Variants in CFAP73 observed in about 807,000 individuals in gnomAD.
CFAP73 encodes the protein cilia- and flagella-associated protein 73.
In CFAP73, 33 loss-of-function variants were observed where a neutral mutation model predicts 42.9. That is an observed-to-expected ratio of 0.77 (90% CI 0.58 to 1.03). The LOEUF is 1.03. CFAP73 is among the 50% of genes least tolerant of loss of function. The pLI is 0.00. For missense variants in CFAP73, 392 were observed against 411.9 expected (o/e 0.95, Z 0.42); for synonymous variants, 162 against 186.8 (o/e 0.87, Z 1.08).
chr12:113,154,360 A>C lies in CFAP73; in HGVS notation c.469-54A>C. 1.3e-6 allele frequency: 2 copies of C among 1,533,464 alleles called. No individual in the cohort carries two copies. Among genetic ancestry groups the C allele is most frequent in the Non-Finnish European group, 1.8e-6 (2 of 1,135,258 alleles). The allele number at this position is 1,533,464 out of a possible 1,614,324, so 95.0% of individuals were successfully genotyped here. On this transcript the variant is annotated intron_variant, in intron 4 of 7. Coordinates refer to ENST00000335621, the MANE Select transcript of CFAP73 (RefSeq NM_001144872.3). This position sits in a 1 kb window ranked among gnomAD's most constrained non-coding sequence, Gnocchi z 4.7. ...GAACGCTGGCGGCCAGGTGGGATGG[A>C]GAGGGTAAGGCACTGCAGGCCCATG...
chr12:113,151,839 G>T (rs1290709254), intron 1 of CFAP73, 79 bp from the exon 2 acceptor site: 1 of 945,918 alleles, frequency 1.1e-6, no homozygotes, highest in South Asian at 1.7e-5. Context: ...GGCTAATGGG[G>T]CACTCCAGAC....
chr12:113,151,969 G>T lies in CFAP73; in HGVS notation c.108G>T (p.Leu36=), dbSNP rs1476421305. ...EDHVPPVLRL[L]EKRQELVDAD... ...ATGTCCCACCAGTACTGCGTCTCCT[G>T]GAGAAGAGGCAAGAGCTGGTAGATG... The change falls in exon 2 of 8, where the codon CTG becomes CTT. Residue 36 remains leucine, a synonymous_variant. Transcript: ENST00000335621. The T allele has an allele frequency of 1.9e-6, 3 of 1,551,638 alleles. No homozygotes were observed. In the South Asian group the frequency reaches 3.6e-5, roughly 18 times the overall value.
chr12:113,149,969 G>C lies in CFAP73; in HGVS notation c.56+56G>C. 2.6e-6 allele frequency: 4 copies of C among 1,516,072 alleles called. No individual in the cohort carries two copies. The South Asian group carries it at 4.8e-5, about 18-fold the overall frequency. The allele number at this position is 1,516,072 out of a possible 1,614,324, so 93.9% of individuals were successfully genotyped here. On this transcript the variant is annotated intron_variant, in intron 1 of 7. Transcript: ENST00000335621. ...GAAGGAGGGCGGGAATGCGTGGGCT[G>C]GCCCATCCTTTCTTCCTCACCTCCT...
At chr12:113,151,592 A>G (rs1041361836) in intron 1 of CFAP73, among the ~76,000 whole-genome samples, 2 of 152,196 alleles carry the variant, frequency 1.3e-5, no homozygotes, top group Admixed American at 1.3e-4. Context: ...CACGAGTTCA[A>G]GACCAGCCTG....
At chr12:113,152,086 AT>A in intron 2 of CFAP73, 63 bp downstream of exon 2, 1 of 1,188,110 alleles carries the variant, frequency 8.4e-7, no homozygotes. Context: ...GAGCCAATTT[AT>A]TAGTGACAAG....
intron 6 of CFAP73, 74 bp downstream of exon 6, chr12:113,155,492 A>G: frequency 7.1e-7 from 1 of 1,415,026 alleles, no homozygotes; most frequent in East Asian, 2.6e-5. Flanking sequence ...AAAACCCCAC[A>G]GTTAGTGACA....
chr12:113,153,097 C>A (rs1325932931), intron 3 of CFAP73, 111 bp from the exon 4 acceptor site: 8 of 1,236,694 alleles, frequency 6.5e-6, no homozygotes, highest in Non-Finnish European at 8.7e-6. Context: ...CGAGCCAGGC[C>A]TGCTGGCCGC....
intron 1 of CFAP73, among the ~76,000 whole-genome samples, chr12:113,150,373 T>C (rs980219714): frequency 9.9e-5 from 15 of 152,106 alleles, no homozygotes; most frequent in African/African-American, 3.6e-4. Flanking sequence ...TTAGTCATTC[T>C]TTCTGCTCTC....
intron 1 of CFAP73, among the ~76,000 whole-genome samples, chr12:113,151,461 T>C (rs1451850511): frequency 2.0e-5 from 3 of 152,028 alleles, no homozygotes; most frequent in Non-Finnish European, 4.4e-5. Flanking sequence ...CCAACCTGAA[T>C]GACAGAGCAA....
intron 1 of CFAP73, among the ~76,000 whole-genome samples, 200 bp from the exon 2 acceptor site, chr12:113,151,714 TTAAG>T (rs1952062897): frequency 6.6e-6 from 1 of 151,406 alleles, no homozygotes; most frequent in South Asian, 2.1e-4. Flanking sequence ...GGAGGATCGC[TTAAG>T]CCCAGGAGTG....
At position 113,151,874 on chromosome 12, in the gene CFAP73, A is replaced by G. The variant is rs1416572342; in HGVS notation, c.57-44A>G. The G allele has an allele frequency of 2.9e-6, 4 of 1,401,004 alleles. No homozygotes were observed. In the South Asian group the frequency reaches 5.0e-5, roughly 17 times the overall value. The allele number at this position is 1,401,004 out of a possible 1,614,324, so 86.8% of individuals were successfully genotyped here. ...CACAGTGGTGAGATGTGGGGCCCTGAAACATGCTTCCTTCACCCCCACCTC... is the reference window on the plus strand; with the variant it reads ...CACAGTGGTGAGATGTGGGGCCCTGGAACATGCTTCCTTCACCCCCACCTC... On this transcript the variant is annotated intron_variant, in intron 1 of 7. Coordinates refer to ENST00000335621, the MANE Select transcript of CFAP73 (RefSeq NM_001144872.3).
chr12:113,156,598 A>T (rs1047375284), intron 6 of CFAP73, among the ~76,000 whole-genome samples: 4 of 151,938 alleles, frequency 2.6e-5, no homozygotes, highest in African/African-American at 2.4e-5. Flanking sequence ...AATGGCCAGG[A>T]TTCCAACCGA....
Position 113,158,898 on chromosome 12 carries a change from G to C in CFAP73, c.*209G>C, listed in dbSNP as rs1321872281. 2 of 1,605,582 alleles carry C rather than the reference G, an allele frequency of 1.2e-6. No homozygotes were observed. The highest frequency in any genetic ancestry group is 1.7e-6 in the Non-Finnish European group (2 of 1,173,992). The stretch of plus-strand genomic sequence containing the variant: ...GTCCTCACATCCTCTTCCGCATCTT[G>C]CCCTTCTTGGAGCGGGCACCCCGGC... On this transcript the variant is annotated 3_prime_UTR_variant, in exon 8 of 8. Transcript: ENST00000335621. The surrounding 1 kb of genome is among the most constrained non-coding windows in gnomAD (Gnocchi z 4.9).
intron 6 of CFAP73, among the ~76,000 whole-genome samples, chr12:113,156,106 G>C (rs1952121982): frequency 6.6e-6 from 1 of 151,996 alleles, no homozygotes; most frequent in Admixed American, 6.6e-5. Context: ...TTTTAGTAGA[G>C]CTAGGGTTTC....
intron 1 of CFAP73, among the ~76,000 whole-genome samples, chr12:113,151,607 A>G (rs1952061371): frequency 6.6e-6 from 1 of 152,186 alleles, no homozygotes. Flanking sequence ...AGCCTGGGCA[A>G]TAAAACAAGA....
Position 113,149,861 on chromosome 12 carries a change from G to A in CFAP73, c.4G>A (p.Ala2Thr). ...AGCTGGGGCAACTGCCAGAAGGATG[G>A]CGGTGCCCTGGGAGGAATATTTCCG... is the stretch of plus-strand genomic sequence containing the variant. The part of the protein sequence containing the change: M[A>T]VPWEEYFRLA... The change falls in exon 1 of 8, where the codon GCG becomes ACG. Residue 2 changes from alanine to threonine, a missense_variant. Transcript: ENST00000335621. The A allele has an allele frequency of 6.4e-7, 1 of 1,551,668 alleles. No individual in the cohort carries two copies.
chr12:113,155,125 A>T, intron 5 of CFAP73, 135 bp from the exon 6 acceptor site: 1 of 703,516 alleles, frequency 1.4e-6, no homozygotes, highest in Non-Finnish European at 2.2e-6. Context: ...AGCTGAGATC[A>T]GGCCACTGCA....
At chr12:113,149,944 G>A (rs74609485) in intron 1 of CFAP73, 31 bp downstream of exon 1, 1 of 1,546,402 alleles carries the variant, frequency 6.5e-7, no homozygotes. Flanking sequence ...GGGAGGGCTA[G>A]AAGGAGGGCG....
Position 113,149,752 on chromosome 12 carries a change from C to T in CFAP73, c.-106C>T. 2.6e-6 allele frequency: 3 copies of T among 1,172,438 alleles called. No homozygotes were observed. The highest frequency in any genetic ancestry group is 1.4e-5 in the South Asian group (1 of 71,432). The allele number at this position is 1,172,438 out of a possible 1,614,324, so 72.6% of individuals were successfully genotyped here. ...GCCTGCTGGTGGCTGCCTTCTGGGCCGAGCTGAGCAGGCTTCCACACCACG... is the reference window on the plus strand; with the variant it reads ...GCCTGCTGGTGGCTGCCTTCTGGGCTGAGCTGAGCAGGCTTCCACACCACG... On this transcript the variant is annotated 5_prime_UTR_variant, in exon 1 of 8. Coordinates refer to ENST00000335621, the MANE Select transcript of CFAP73 (RefSeq NM_001144872.3).
Sources: allele counts gnomAD v4.1 joint callset (sites outside exome capture counted in the v4.1 genomes callset), GRCh38; gene constraint gnomAD v4.1.1; non-coding constraint Gnocchi (gnomAD v3.1); transcripts MANE v1.5; gene names NCBI Gene and HGNC (gene_info 2026-07-23, HGNC 2026-07-21).